Variants in BIRC6 observed in about 807,000 individuals in gnomAD.
The protein encoded by BIRC6 is dual E2 ubiquitin-conjugating enzyme/E3 ubiquitin-protein ligase BIRC6.
A neutral mutation model predicts 503.3 loss-of-function variants in BIRC6; 98 were observed. That is an observed-to-expected ratio of 0.19 (90% CI 0.17 to 0.23). The LOEUF (loss-of-function observed/expected upper bound fraction) is 0.23, where lower values mean the gene tolerates loss of function less well. Ranked by LOEUF, BIRC6 falls within the 10% of genes least tolerant of loss-of-function variation. The probability of loss-of-function intolerance (pLI) is 1.00; values close to 1 mark genes in which losing one functional copy is unlikely to be tolerated. For synonymous variants in BIRC6, 2,240 were observed against 2,078.7 expected (o/e 1.08, Z -2.11); for missense variants, 5,360 against 5,806.0 (o/e 0.92, Z 2.50).
intron 45 of BIRC6, among the ~76,000 whole-genome samples, chr2:32,497,607 A>G (rs2052626018): frequency 6.6e-6 from 1 of 152,174 alleles, no homozygotes; most frequent in Admixed American, 6.5e-5. Context: ...TTGTTCCTTT[A>G]CATTGTTGTA....
intron 1 of BIRC6, among the ~76,000 whole-genome samples, chr2:32,363,770 C>CT (rs1271785279): frequency 6.6e-6 from 1 of 152,136 alleles, no homozygotes; most frequent in African/African-American, 2.4e-5. Flanking sequence ...GTGGGGAAGA[C>CT]TAAGTGGTCA....
chr2:32,445,110 A>G (rs1416765221), intron 20 of BIRC6, among the ~76,000 whole-genome samples: 7 of 152,140 alleles, frequency 4.6e-5, no homozygotes, highest in Admixed American at 3.9e-4. Context: ...GCCATCCACT[A>G]TTTTTTAAAG....
At chr2:32,541,208 A>C (rs1435131781) in intron 61 of BIRC6, among the ~76,000 whole-genome samples, 1 of 152,108 alleles carries the variant, frequency 6.6e-6, no homozygotes, top group Non-Finnish European at 1.5e-5. Context: ...ATAAAATAAT[A>C]AATATAGAGG....
intron 6 of BIRC6, among the ~76,000 whole-genome samples, chr2:32,398,324 G>A (rs2040200686): frequency 6.6e-6 from 1 of 152,106 alleles, no homozygotes; most frequent in African/African-American, 2.4e-5. Flanking sequence ...CAAATAGAAT[G>A]TGCTATGTTC....
intron 61 of BIRC6, among the ~76,000 whole-genome samples, chr2:32,542,396 G>A (rs911485881): frequency 2.0e-5 from 3 of 152,100 alleles, no homozygotes; most frequent in African/African-American, 7.2e-5. Flanking sequence ...GTAGGATCCT[G>A]CTTTAATGGC....
chr2:32,551,976 T>C (rs2058455979), intron 65 of BIRC6, among the ~76,000 whole-genome samples: 1 of 152,222 alleles, frequency 6.6e-6, no homozygotes, highest in Non-Finnish European at 1.5e-5. Context: ...TAGCAGATGA[T>C]ATAAAAAAAC....
chr2:32,487,574 A>C lies in BIRC6; in HGVS notation c.7814-73A>C, dbSNP rs1023093132. 1.0e-5 allele frequency: 14 copies of C among 1,334,556 alleles called. No individual in the cohort carries two copies. In the African/African-American group the frequency reaches 1.2e-4, roughly 11 times the overall value. 82.7% of individuals were successfully genotyped at this position (1,334,556 alleles called of 1,614,324 possible). A position where few individuals can be genotyped will look rare whatever the true frequency, so the allele number is the denominator to read the frequency against. ...TTTTTAAAAACAATTTAACCTATTT[A>C]TACATATGAATAACCAGTTAACACA... On this transcript the variant is annotated intron_variant, in intron 40 of 73. Coordinates refer to ENST00000421745, the MANE Select transcript of BIRC6 (RefSeq NM_016252.4).
intron 1 of BIRC6, among the ~76,000 whole-genome samples, chr2:32,372,858 A>AT (rs981482563): frequency 1.3e-4 from 20 of 152,268 alleles, no homozygotes; most frequent in African/African-American, 4.8e-4. Context: ...AGAAAAAAAA[A>AT]CATTTGGGTG....
At chr2:32,454,827 T>A (rs549855960) in intron 23 of BIRC6, among the ~76,000 whole-genome samples, 1 of 152,294 alleles carries the variant, frequency 6.6e-6, no homozygotes, top group African/African-American at 2.4e-5. Flanking sequence ...ATATATCCAA[T>A]TGTGGAGGTA....
chr2:32,371,215 C>CA (rs1179033406), intron 1 of BIRC6, among the ~76,000 whole-genome samples: 2,497 of 26,418 alleles, frequency 0.095, 67 homozygotes, highest in Non-Finnish European at 0.13. Flanking sequence ...GACCCTGTCT[C>CA]AAAAAAAAAA....
chr2:32,546,708 T>A (rs1036275425), intron 63 of BIRC6, among the ~76,000 whole-genome samples: 2 of 152,202 alleles, frequency 1.3e-5, no homozygotes, highest in African/African-American at 4.8e-5. Flanking sequence ...ATGAGCTTTA[T>A]AAAGATATAT....
chr2:32,587,112 GA>G (rs1224723039), intron 66 of BIRC6, among the ~76,000 whole-genome samples: 1 of 152,226 alleles, frequency 6.6e-6, no homozygotes. Flanking sequence ...TAAGGGGCCG[GA>G]CATTGTGGCT....
rs182136242 is a variant in BIRC6 at position 32,612,942 on chromosome 2, C to T, written c.14394+1360C>T. On this transcript the variant is annotated intron_variant, in intron 73 of 73. Transcript: ENST00000421745. Reference sequence around the variant, plus strand: ...TATAGCAGTTGACACTTCTTGCCTCCATTTTTTAACCTTTGTCTCACTAAT... The same window carrying T: ...TATAGCAGTTGACACTTCTTGCCTCTATTTTTTAACCTTTGTCTCACTAAT... Among the ~76,000 whole-genome samples, 163 of 152,282 alleles carry T rather than the reference C, an allele frequency of 1.1e-3. 1 individual carries two copies. The highest frequency in any genetic ancestry group is 3.8e-3 in the African/African-American group (157 of 41,558).
intron 3 of BIRC6, among the ~76,000 whole-genome samples, chr2:32,380,543 AT>A (rs1199189318): frequency 6.6e-6 from 1 of 152,154 alleles, no homozygotes; most frequent in East Asian, 1.9e-4. Context: ...CCTGGCCAAC[AT>A]GGCGAAACCC....
intron 32 of BIRC6, among the ~76,000 whole-genome samples, chr2:32,471,497 A>T (rs181471402): frequency 6.6e-6 from 1 of 152,286 alleles, no homozygotes; most frequent in East Asian, 1.9e-4. Flanking sequence ...TTCATTTAGC[A>T]TTATTGGTAT....
intron 15 of BIRC6, among the ~76,000 whole-genome samples, chr2:32,438,168 T>G (rs2044949435): frequency 1.3e-5 from 2 of 152,218 alleles, no homozygotes; most frequent in Admixed American, 6.5e-5. Flanking sequence ...TCTTAGAATA[T>G]ACTAAGATAT....
intron 65 of BIRC6, among the ~76,000 whole-genome samples, chr2:32,552,270 T>C (rs895202324): frequency 2.0e-5 from 3 of 152,220 alleles, no homozygotes; most frequent in African/African-American, 7.2e-5. Flanking sequence ...TGTTAAAGAT[T>C]GAGATGAATA....
chr2:32,459,511 T>C lies in BIRC6; in HGVS notation c.4754-3683T>C, dbSNP rs1462030801. ...TCTTTTTATTAAAGATTGTTGTTGC[T>C]ATTCTAGGTCTTTTGTATTTCTGTT... On this transcript the variant is annotated intron_variant, in intron 23 of 73. Transcript: ENST00000421745. Among the ~76,000 whole-genome samples, 3 of 152,356 alleles carry C rather than the reference T, an allele frequency of 2.0e-5. No homozygotes were observed. In the East Asian group the frequency reaches 5.8e-4, roughly 29 times the overall value.
chr2:32,423,551 TTTGTCC>T (rs1048606162), intron 10 of BIRC6, among the ~76,000 whole-genome samples: 5 of 152,194 alleles, frequency 3.3e-5, no homozygotes, highest in Non-Finnish European at 7.3e-5. Context: ...GAATCATGTA[TTTGTCC>T]TTTTGTGTCT....
Sources: allele counts gnomAD v4.1 joint callset (sites outside exome capture counted in the v4.1 genomes callset), GRCh38; gene constraint gnomAD v4.1.1; transcripts MANE v1.5; gene names NCBI Gene and HGNC (gene_info 2026-07-23, HGNC 2026-07-21).